The following DPP9 variants were observed in gnomAD, a reference collection of about 807,000 sequenced individuals.
DPP9 encodes dipeptidyl peptidase 9, also known as dipeptidyl peptidase IV-related protein-2.
A neutral mutation model predicts 110.7 loss-of-function variants in DPP9; 50 were observed. The ratio of observed to expected loss-of-function variants is 0.45; its 90% CI spans 0.36 to 0.57. The LOEUF (loss-of-function observed/expected upper bound fraction) is 0.57, where lower values mean the gene tolerates loss of function less well. DPP9 is among the 20% of genes least tolerant of loss of function. The pLI is 0.00. For missense variants in DPP9, 1,022 were observed against 1,217.9 expected (o/e 0.84, Z 2.39); for synonymous variants, 561 against 514.4 (o/e 1.09, Z -1.23).
chr19:4,680,890 G>C (rs1474670229), intron 20 of DPP9, among the ~76,000 whole-genome samples: 1 of 152,130 alleles, frequency 6.6e-6, no homozygotes, highest in Non-Finnish European at 1.5e-5. Flanking sequence ...CTGGGAGGTG[G>C]AGGTTGCAGT....
At chr19:4,702,833 AAGGAGAGGGGG>A (rs2092354098) in intron 7 of DPP9, 117 bp from the exon 8 acceptor site, 1 of 37,828 alleles carries the variant, frequency 2.6e-5, no homozygotes, top group Non-Finnish European at 5.6e-5. Flanking sequence ...AAGGAAAGGG[AAGGAGAGGGGG>A]AGGGAGAGGG....
In DPP9 at chr19:4,719,865, G is replaced by A. The variant is rs779960448; in HGVS notation, c.42C>T (p.Thr14=). The A allele has an allele frequency of 9.7e-6, 15 of 1,551,612 alleles. No individual in the cohort carries two copies. The highest frequency in any genetic ancestry group is 2.4e-5 in the East Asian group (1 of 40,920). Residue 14 remains threonine (T), a synonymous_variant, in exon 3 of 22, where the codon ACC becomes ACT. Transcript: ENST00000262960. ...GCCAACCTCACCTTCTCCAACTTCC[G>A]GTGTTCTCCTTGTCCAGGCGCAGTT... ...VKKLRLDKEN[T]GSWRSFSLNS...
At position 4,694,006 on chromosome 19, in the gene DPP9, G is replaced by A. The variant is rs887477223; in HGVS notation, c.1516+655C>T. The stretch of plus-strand genomic sequence containing the variant: ...TCCAGAGACGTCCTCATGCCCTCCC[G>A]TTGTAGAAAGAAGGCCCCTCACCCT... On this transcript the variant is annotated intron_variant, in intron 13 of 21. Coordinates refer to ENST00000262960, the MANE Select transcript of DPP9 (RefSeq NM_139159.5). This position sits in a 1 kb window ranked among gnomAD's most constrained non-coding sequence, Gnocchi z 4.0. Among the ~76,000 whole-genome samples, 5 of 151,868 alleles carry A rather than the reference G, an allele frequency of 3.3e-5. No homozygotes were observed. Among genetic ancestry groups the A allele is most frequent in the African/African-American group, 1.2e-4 (5 of 41,384 alleles).
intron 4 of DPP9, among the ~76,000 whole-genome samples, chr19:4,707,152 C>T (rs189704615): frequency 6.6e-5 from 10 of 152,264 alleles, no homozygotes; most frequent in South Asian, 2.1e-4. Flanking sequence ...GTAAAGCTCT[C>T]GGCACAATGT....
chr19:4,721,887 G>A lies in DPP9; in HGVS notation c.-36+612C>T, dbSNP rs542207685. 3.9e-5 allele frequency among the ~76,000 whole-genome samples: 6 copies of A among 152,290 alleles called. 1 individual carries two copies. Among genetic ancestry groups the A allele is most frequent in the African/African-American group, 1.4e-4 (6 of 41,562 alleles). ...TCACTGGCCATACTCTCAGTCCAGT[G>A]GTGAAAAGCGTGGGCTCTGGTCTCA... On this transcript the variant is annotated intron_variant, in intron 2 of 21. Transcript: ENST00000262960.
At chr19:4,712,893 G>A (rs1266443724) in intron 4 of DPP9, among the ~76,000 whole-genome samples, 3 of 152,244 alleles carry the variant, frequency 2.0e-5, no homozygotes, top group Non-Finnish European at 4.4e-5. Flanking sequence ...GGCAGAGGAT[G>A]ACGGCCGTTC....
At chr19:4,708,975 T>C (rs889517379) in intron 4 of DPP9, among the ~76,000 whole-genome samples, 1 of 152,242 alleles carries the variant, frequency 6.6e-6, no homozygotes, top group Admixed American at 6.5e-5. Context: ...TGGAGTGCAA[T>C]GGTGCAATCT....
Position 4,687,700 on chromosome 19 carries a change from G to A in DPP9, c.1885+1057C>T, listed in dbSNP as rs1385864920. 6.6e-6 allele frequency among the ~76,000 whole-genome samples: 1 copy of A among 152,256 alleles called. No homozygotes were observed. Among genetic ancestry groups the A allele is most frequent in the East Asian group, 1.9e-4 (1 of 5,202 alleles). On this transcript the variant is annotated intron_variant, in intron 16 of 21. Transcript: ENST00000262960. The surrounding 1 kb of genome is among the most constrained non-coding windows in gnomAD (Gnocchi z 4.7). ...CTGTGGCCAGGACTGCAGGGTCCTG[G>A]AGAAGGTGAGTGGAAAGCCTGATAA...
rs761724967 is a variant in DPP9 at position 4,682,662 on chromosome 19, C to T, written c.2474+34G>A. 3.9e-5 allele frequency: 63 copies of T among 1,602,556 alleles called. No individual in the cohort carries two copies. The Admixed American group carries it at 4.6e-4, about 12-fold the overall frequency. On this transcript the variant is annotated intron_variant, in intron 20 of 21. Coordinates refer to ENST00000262960, the MANE Select transcript of DPP9 (RefSeq NM_139159.5). The surrounding 1 kb of genome is among the most constrained non-coding windows in gnomAD (Gnocchi z 7.1). ...TGGTGCCGGGGTGCAGGAGAAGCCC[C>T]GGGGAGGAGCGCAGGGCAGGGCAGT...
In DPP9 at chr19:4,722,538, C is replaced by A; in HGVS notation, c.-75G>T. On this transcript the variant is annotated 5_prime_UTR_variant, in exon 2 of 22. Coordinates refer to ENST00000262960, the MANE Select transcript of DPP9 (RefSeq NM_139159.5). ...AGAGAGCCTCCATTCCAGCTGCAGG[C>A]GTGGGACACAGACCTTTATAGGATA... 1.4e-6 allele frequency: 1 copy of A among 703,082 alleles called. No homozygotes were observed. Among genetic ancestry groups the A allele is most frequent in the Non-Finnish European group, 2.6e-6 (1 of 385,006 alleles). The allele number at this position is 703,082 out of a possible 1,614,324, so 43.6% of individuals were successfully genotyped here.
chr19:4,680,252 AAAAG>A (rs1309099484), intron 20 of DPP9, among the ~76,000 whole-genome samples: 1 of 151,468 alleles, frequency 6.6e-6, no homozygotes, highest in Non-Finnish European at 1.5e-5. Flanking sequence ...AAAAAAAAAA[AAAAG>A]ATCAGCTGAG....
Position 4,706,262 on chromosome 19 carries a change from C to A in DPP9, c.314-292G>T, listed in dbSNP as rs143383684. Among the ~76,000 whole-genome samples, 55 of 147,494 alleles carry A rather than the reference C, an allele frequency of 3.7e-4. No homozygotes were observed. In the East Asian group the frequency reaches 0.011, roughly 29 times the overall value. On this transcript the variant is annotated intron_variant, in intron 4 of 21. Coordinates refer to ENST00000262960, the MANE Select transcript of DPP9 (RefSeq NM_139159.5). Reference sequence around the variant, plus strand: ...TTGTAATCCCAGCACTTTGGGAGGCCGAGGCGAGAGGACTGCCTGAGCCCA... The same window carrying A: ...TTGTAATCCCAGCACTTTGGGAGGCAGAGGCGAGAGGACTGCCTGAGCCCA...
intron 4 of DPP9, among the ~76,000 whole-genome samples, chr19:4,709,366 G>C (rs1355632581): frequency 6.6e-6 from 1 of 152,114 alleles, no homozygotes; most frequent in Non-Finnish European, 1.5e-5. Context: ...AGATTAACAG[G>C]GTTCCTTTTA....
chr19:4,688,787 G>C lies in DPP9; in HGVS notation c.1855C>G (p.Arg619Gly). 3 of 1,469,702 alleles carry C rather than the reference G, an allele frequency of 2.0e-6. No homozygotes were observed. The highest frequency in any genetic ancestry group is 2.7e-6 in the Non-Finnish European group (3 of 1,116,302). The allele number at this position is 1,469,702 out of a possible 1,614,324, so 91.0% of individuals were successfully genotyped here. A position where few individuals can be genotyped will look rare whatever the true frequency, so the allele number is the denominator to read the frequency against. The change falls in exon 16 of 22, where the codon CGC becomes GGC. Residue 619 changes from arginine (R) to glycine (G), a missense_variant. By Grantham distance (125) the Arg-to-Gly change is moderately radical. This residue lies in a region of DPP9 where 810 missense variants were observed against 920.6 expected (regional missense o/e 0.88). Transcript: ENST00000262960. Reference sequence around the variant, plus strand: ...GCCTCCATCATGCTAGCCCAGAAGCGGGGCTGCTTGTGCAGGGGGTCGTCG... The same window carrying C: ...GCCTCCATCATGCTAGCCCAGAAGCCGGGCTGCTTGTGCAGGGGGTCGTCG... ...PDDDPLHKQP[R>G]FWASMMEAAS...
At chr19:4,722,645 G>C (rs192938527) in intron 1 of DPP9, 94 bp from the exon 2 acceptor site, 1 of 690,292 alleles carries the variant, frequency 1.4e-6, no homozygotes, top group Non-Finnish European at 2.6e-6. Flanking sequence ...AGACTGTCAG[G>C]CCCGATTCTA....
chr19:4,694,500 G>C lies in DPP9; in HGVS notation c.1516+161C>G, dbSNP rs2091614151. 3 of 904,048 alleles carry C rather than the reference G, an allele frequency of 3.3e-6. No homozygotes were observed. Among genetic ancestry groups the C allele is most frequent in the African/African-American group, 1.7e-5 (1 of 57,458 alleles). The allele number at this position is 904,048 out of a possible 1,614,324, so 56.0% of individuals were successfully genotyped here. On this transcript the variant is annotated intron_variant, in intron 13 of 21. Transcript: ENST00000262960. The surrounding 1 kb of genome is among the most constrained non-coding windows in gnomAD (Gnocchi z 4.0). Reference sequence around the variant, plus strand: ...CAGTTGGGTGCTCTAAGCCCTGCCAGATCATGCAGTCACTGGGGAAGGCTG... The same window carrying C: ...CAGTTGGGTGCTCTAAGCCCTGCCACATCATGCAGTCACTGGGGAAGGCTG...
At position 4,710,512 on chromosome 19, in the gene DPP9, G is replaced by A. The variant is rs903639647; in HGVS notation, c.313+3569C>T. Among the ~76,000 whole-genome samples the A allele has an allele frequency of 3.3e-5, 5 of 152,194 alleles. No individual in the cohort carries two copies. Among genetic ancestry groups the A allele is most frequent in the South Asian group, 4.1e-4 (2 of 4,832 alleles). On this transcript the variant is annotated intron_variant, in intron 4 of 21. Coordinates refer to ENST00000262960, the MANE Select transcript of DPP9 (RefSeq NM_139159.5). This position sits in a 1 kb window ranked among gnomAD's most constrained non-coding sequence, Gnocchi z 5.6. ...AGCAGCAGGAACCGCACGTTCCCCC[G>A]CTGCTCCTGCTAGCCTGACGCTGGG...
intron 3 of DPP9, among the ~76,000 whole-genome samples, chr19:4,716,776 A>C (rs1034459844): frequency 2.6e-5 from 4 of 152,208 alleles, no homozygotes; most frequent in African/African-American, 9.6e-5. Context: ...GCTCCCAATC[A>C]GAGCCGAGTG....
rs762557101 is a variant in DPP9, at chr19:4,700,271, T to C, written c.1019A>G (p.Lys340Arg). 1 of 1,596,234 alleles carries C rather than the reference T, an allele frequency of 6.3e-7. No individual in the cohort carries two copies. The highest frequency in any genetic ancestry group is 2.3e-5 in the East Asian group (1 of 44,240). Reference protein sequence around the residue: ...DSYRYPRTGSKNPKIALKLAE... With the variant: ...DSYRYPRTGSRNPKIALKLAE... ...CAGTTTCAAGGCAATCTTGGGATTC[T>C]TGCTGCCTGCAAAAACCGAAGTGAG... The change falls in exon 10 of 22, where the codon AAG (lysine) becomes AGG (arginine). Residue 340 changes from lysine (K) to arginine (R), a missense_variant. Around this residue, in one of 3 missense-constraint regions of DPP9, gnomAD observed 810 missense variants for 920.6 expected, o/e 0.88. Coordinates refer to ENST00000262960, the MANE Select transcript of DPP9 (RefSeq NM_139159.5). This position sits in a 1 kb window ranked among gnomAD's most constrained non-coding sequence, Gnocchi z 4.3.
Sources: gnomAD v4.1 joint callset for allele counts (sites outside exome capture counted in the v4.1 genomes callset) on GRCh38, gnomAD v4.1.1 for gene constraint, gnomAD v4.1.1 regional missense constraint, Gnocchi (gnomAD v3.1) non-coding constraint, MANE v1.5 for transcripts, NCBI Gene and HGNC (gene_info 2026-07-23, HGNC 2026-07-21) for gene names.